METTL15: variants seen among roughly 807,000 people sequenced by gnomAD.
The protein encoded by METTL15 is methyltransferase 15, mitochondrial 12S rRNA N4-cytidine, also known as 12S rRNA N(4)-cytidine methyltransferase METTL15.
Under a neutral mutation model 38.3 loss-of-function variants are expected in METTL15, and 34 were observed. That is an observed-to-expected ratio of 0.89 (90% confidence interval 0.68 to 1.18). METTL15 has a LOEUF of 1.18. METTL15 is among the 50% of genes most tolerant of loss of function. The pLI is 0.00. For missense variants in METTL15, 438 were observed against 498.4 expected (o/e 0.88, Z 1.15); for synonymous variants, 162 against 170.9 (o/e 0.95, Z 0.41).
intron 3 of METTL15, among the ~76,000 whole-genome samples, chr11:28,129,890 G>T (rs779326943): frequency 7.2e-5 from 11 of 151,990 alleles, no homozygotes; most frequent in Admixed American, 1.3e-4. Flanking sequence ...ATAATTAAAG[G>T]CTTATTTTGT....
chr11:28,313,032 C>T (rs1472878493), intron 6 of METTL15, among the ~76,000 whole-genome samples: 1 of 151,060 alleles, frequency 6.6e-6, no homozygotes, highest in Non-Finnish European at 1.5e-5. Flanking sequence ...GTTCATGTCT[C>T]TGTTTTCTAT....
intron 3 of METTL15, among the ~76,000 whole-genome samples, chr11:28,348,888 T>A (rs967793243): frequency 1.3e-5 from 2 of 152,186 alleles, no homozygotes; most frequent in African/African-American, 4.8e-5. Flanking sequence ...GAGTATTTCC[T>A]TTCTTTCTAT....
chr11:28,262,971 G>A (rs948534384), intron 4 of METTL15, among the ~76,000 whole-genome samples: 1 of 152,002 alleles, frequency 6.6e-6, no homozygotes, highest in Non-Finnish European at 1.5e-5. Context: ...TAATGTTTAT[G>A]AGTAGAGTAC....
chr11:28,141,514 C>T (rs1002715109), intron 3 of METTL15, among the ~76,000 whole-genome samples: 14 of 151,718 alleles, frequency 9.2e-5, no homozygotes, highest in Admixed American at 8.6e-4. Flanking sequence ...GAAACCCCAT[C>T]TCTACAAAAA....
chr11:28,463,317 T>A (rs1190085094), intron 6 of METTL15, among the ~76,000 whole-genome samples: 1 of 152,110 alleles, frequency 6.6e-6, no homozygotes, highest in Non-Finnish European at 1.5e-5. Flanking sequence ...CAAAAGGACC[T>A]CTGCATGTCA....
chr11:28,497,417 C>A (rs769514225), intron 6 of METTL15, among the ~76,000 whole-genome samples: 1 of 152,190 alleles, frequency 6.6e-6, no homozygotes. Flanking sequence ...ATTCTACACA[C>A]TTTGAATACT....
At chr11:28,426,009 G>A (rs978504091) in intron 6 of METTL15, among the ~76,000 whole-genome samples, 22 of 152,258 alleles carry the variant, frequency 1.4e-4, no homozygotes, top group African/African-American at 4.8e-4. Flanking sequence ...CATAGGTAAT[G>A]TGTGCCATGG....
intron 4 of METTL15, 27 bp from the exon 5 acceptor site, chr11:28,290,179 T>C (rs1474794373): frequency 6.4e-7 from 1 of 1,567,724 alleles, no homozygotes; most frequent in South Asian, 1.2e-5. Flanking sequence ...CAGAAGTGTT[T>C]TCTCTATCTC....
intron 6 of METTL15, among the ~76,000 whole-genome samples, chr11:28,501,238 G>C (rs999138706): frequency 6.6e-6 from 1 of 152,158 alleles, no homozygotes; most frequent in African/African-American, 2.4e-5. Flanking sequence ...GAATATCAGA[G>C]AGAGGAAGAA....
At chr11:28,176,595 A>G (rs1359735108) in intron 3 of METTL15, among the ~76,000 whole-genome samples, 1 of 152,142 alleles carries the variant, frequency 6.6e-6, no homozygotes, top group African/African-American at 2.4e-5. Flanking sequence ...TATCATTACC[A>G]TTCACTCCTT....
chr11:28,128,548 T>A (rs1465453015), intron 3 of METTL15, among the ~76,000 whole-genome samples: 1 of 152,096 alleles, frequency 6.6e-6, no homozygotes, highest in African/African-American at 2.4e-5. Context: ...TCAAAATAAT[T>A]TTAATGCTAG....
intron 5 of METTL15, among the ~76,000 whole-genome samples, chr11:28,379,028 C>T (rs191428394): frequency 2.0e-5 from 3 of 152,012 alleles, no homozygotes. Context: ...ATAATAGTCT[C>T]TAATGATACT....
chr11:28,362,037 G>A (rs1850144026), intron 5 of METTL15: 1 of 152,134 alleles, frequency 6.6e-6, no homozygotes, highest in South Asian at 2.1e-4. Context: ...AAAAATGGAG[G>A]TAGCATTTTC....
At chr11:28,170,417 G>T (rs1426459767) in intron 3 of METTL15, among the ~76,000 whole-genome samples, 2 of 152,094 alleles carry the variant, frequency 1.3e-5, no homozygotes, top group Non-Finnish European at 2.9e-5. Flanking sequence ...CTTGGACCTT[G>T]TGTAAAAACA....
At chr11:28,181,613 T>C (rs1279796489) in intron 3 of METTL15, among the ~76,000 whole-genome samples, 1 of 152,152 alleles carries the variant, frequency 6.6e-6, no homozygotes, top group African/African-American at 2.4e-5. Flanking sequence ...CTGCATAGTA[T>C]TCCATGGTGT....
chr11:28,490,740 T>C (rs1361864589), intron 6 of METTL15, among the ~76,000 whole-genome samples: 1 of 152,050 alleles, frequency 6.6e-6, no homozygotes, highest in Non-Finnish European at 1.5e-5. Flanking sequence ...TGAAGAAAAT[T>C]ACAGGAGAAA....
chr11:28,186,362 A>T (rs1169493099), intron 3 of METTL15, among the ~76,000 whole-genome samples: 1 of 151,298 alleles, frequency 6.6e-6, no homozygotes, highest in African/African-American at 2.4e-5. Context: ...TTTAGTCAAC[A>T]AAAAATGATT....
At chr11:28,353,842 G>A (rs1478469096) in intron 4 of METTL15, among the ~76,000 whole-genome samples, 1 of 150,622 alleles carries the variant, frequency 6.6e-6, no homozygotes, top group African/African-American at 2.4e-5. Flanking sequence ...GGAGAATGGC[G>A]TGAACCCGGG....
At chr11:28,377,881 A>T (rs1296171184) in intron 5 of METTL15, among the ~76,000 whole-genome samples, 1 of 151,688 alleles carries the variant, frequency 6.6e-6, no homozygotes, top group African/African-American at 2.4e-5. Context: ...AACAGACAGG[A>T]CCCTCAGCTG....
Sources: allele counts gnomAD v4.1 joint callset (sites outside exome capture counted in the v4.1 genomes callset), GRCh38; gene constraint gnomAD v4.1.1; transcripts MANE v1.5; gene names NCBI Gene and HGNC (gene_info 2026-07-23, HGNC 2026-07-21).